SIPA1L2: variants seen among roughly 807,000 people sequenced by gnomAD.
SIPA1L2 encodes signal induced proliferation associated 1 like 2, also known as signal-induced proliferation-associated 1-like protein 2.
A neutral mutation model predicts 163.9 loss-of-function variants in SIPA1L2; 56 were observed. The observed-to-expected ratio is 0.34, with a 90% CI of 0.28 to 0.43. SIPA1L2 has a LOEUF of 0.43. Among genes scored for constraint, SIPA1L2 ranks in the 20% least tolerant of loss-of-function variants. The probability of loss-of-function intolerance (pLI) is 1.00; values close to 1 mark genes in which losing one functional copy is unlikely to be tolerated. For synonymous variants in SIPA1L2, 877 were observed against 865.7 expected, an observed-to-expected ratio of 1.01 and a Z score of -0.23; for missense variants, 1,974 against 2,193.5, an observed-to-expected ratio of 0.90 and a Z score of 2.00.
chr1:232,580,944 C>T (rs1464627521), intron 1 of SIPA1L2, among the ~76,000 whole-genome samples: 1 of 152,142 alleles, frequency 6.6e-6, no homozygotes, highest in African/African-American at 2.4e-5. Flanking sequence ...CTAACTTTAT[C>T]CCTCTCCTTT....
At chr1:232,434,535 C>T (rs999996790) in intron 15 of SIPA1L2, among the ~76,000 whole-genome samples, 3 of 151,926 alleles carry the variant, frequency 2.0e-5, no homozygotes, top group East Asian at 3.9e-4. Flanking sequence ...AACACCAGGT[C>T]GGGAGAACAG....
chr1:232,493,409 T>G, intron 4 of SIPA1L2, 118 bp downstream of exon 4: 2 of 1,283,788 alleles, frequency 1.6e-6, no homozygotes, highest in Non-Finnish European at 2.2e-6. Flanking sequence ...TCTTAAATGT[T>G]GCAATCATTA....
intron 2 of SIPA1L2, among the ~76,000 whole-genome samples, chr1:232,564,214 G>A (rs1374469959): frequency 4.0e-5 from 4 of 98,792 alleles, no homozygotes; most frequent in Non-Finnish European, 7.1e-5. Context: ...CAGACTGAAC[G>A]ACAAAGGTTT....
chr1:232,483,878 G>A lies in SIPA1L2; in HGVS notation c.1895C>T (p.Pro632Leu). The change falls in exon 6 of 23, where the codon CCA becomes CTA. Residue 632 changes from proline to leucine, a missense_variant. By Grantham distance (98) the Pro-to-Leu change is moderately conservative. Coordinates refer to ENST00000674635, the MANE Select transcript of SIPA1L2 (RefSeq NM_020808.5). The part of the protein sequence containing the change: ...EEMYNNETAG[P>L]AFEEFLDLLG... ...AAGATCAAGGAATTCTTCAAAAGCTGGTCCCGCCGTCTCATTGTTATACAT... is the reference window on the plus strand; with the variant it reads ...AAGATCAAGGAATTCTTCAAAAGCTAGTCCCGCCGTCTCATTGTTATACAT... The A allele has an allele frequency of 6.2e-7, 1 of 1,614,018 alleles. No individual in the cohort carries two copies. Among genetic ancestry groups the A allele is most frequent in the Non-Finnish European group, 8.5e-7 (1 of 1,179,928 alleles).
At chr1:232,570,657 T>G (rs1191914173) in intron 2 of SIPA1L2, among the ~76,000 whole-genome samples, 1 of 152,180 alleles carries the variant, frequency 6.6e-6, no homozygotes, top group African/African-American at 2.4e-5. Flanking sequence ...CACAGTAGCT[T>G]ATTCAAGGAA....
chr1:232,566,703 T>A (rs1659425894), intron 2 of SIPA1L2, among the ~76,000 whole-genome samples: 1 of 152,260 alleles, frequency 6.6e-6, no homozygotes, highest in Non-Finnish European at 1.5e-5. Flanking sequence ...AGTTGAAGAT[T>A]CGGCAAAACA....
intron 19 of SIPA1L2, among the ~76,000 whole-genome samples, chr1:232,409,773 C>A (rs1218778354): frequency 6.6e-6 from 1 of 152,142 alleles, no homozygotes; most frequent in African/African-American, 2.4e-5. Flanking sequence ...GTGACCCCAG[C>A]TAAGATCACA....
At chr1:232,461,463 T>G (rs1269108122) in intron 9 of SIPA1L2, among the ~76,000 whole-genome samples, 2 of 152,258 alleles carry the variant, frequency 1.3e-5, no homozygotes, top group Non-Finnish European at 2.9e-5. Flanking sequence ...CTTTCTTAGA[T>G]GTCACTGACC....
At chr1:232,586,426 T>C (rs997497636) in intron 1 of SIPA1L2, among the ~76,000 whole-genome samples, 12 of 152,268 alleles carry the variant, frequency 7.9e-5, no homozygotes, top group Admixed American at 7.9e-4. Flanking sequence ...CAAAGGGCAA[T>C]TGAAGAGCAC....
At chr1:232,442,212 G>C (rs2102864168) in intron 12 of SIPA1L2, among the ~76,000 whole-genome samples, 1 of 151,312 alleles carries the variant, frequency 6.6e-6, no homozygotes, top group East Asian at 1.9e-4. Flanking sequence ...GTTACGCTTA[G>C]AATACATGGC....
intron 1 of SIPA1L2, among the ~76,000 whole-genome samples, chr1:232,603,074 G>A (rs1661690021): frequency 6.6e-6 from 1 of 152,180 alleles, no homozygotes; most frequent in Admixed American, 6.5e-5. Flanking sequence ...GGATGCTGGT[G>A]ACCAACCAGA....
chr1:232,443,925 C>T (rs1373476953), intron 11 of SIPA1L2, among the ~76,000 whole-genome samples: 1 of 152,094 alleles, frequency 6.6e-6, no homozygotes, highest in Non-Finnish European at 1.5e-5. Flanking sequence ...ACAGGACAGG[C>T]CCTCACTGTC....
rs532434463 is a variant in SIPA1L2, at chr1:232,612,131, G to C, written c.-319+17738C>G. On this transcript the variant is annotated intron_variant, in intron 1 of 22. Transcript: ENST00000674635. ...GTGTCGAGCTCACGAGTGCACAGAA[G>C]TCAAGAACTGAGGTTTGGGAACCTC... 8.9e-4 allele frequency among the ~76,000 whole-genome samples: 135 copies of C among 152,356 alleles called. 1 individual carries two copies. The highest frequency in any genetic ancestry group is 3.1e-3 in the African/African-American group (130 of 41,582).
intron 12 of SIPA1L2, 49 bp from the exon 13 acceptor site, chr1:232,441,917 GC>G (rs1662922671): frequency 6.0e-6 from 9 of 1,506,230 alleles, no homozygotes; most frequent in Non-Finnish European, 6.4e-6. Flanking sequence ...CGTGCCACCT[GC>G]CAGCATGCAC....
At chr1:232,524,368 C>A (rs1393548246) in intron 2 of SIPA1L2, among the ~76,000 whole-genome samples, 1 of 152,174 alleles carries the variant, frequency 6.6e-6, no homozygotes, top group Non-Finnish European at 1.5e-5. Flanking sequence ...GTCACACACA[C>A]AAACACACTC....
chr1:232,512,199 G>C (rs1667011005), intron 3 of SIPA1L2, among the ~76,000 whole-genome samples: 1 of 152,118 alleles, frequency 6.6e-6, no homozygotes, highest in South Asian at 2.1e-4. Flanking sequence ...TTAGAATGGC[G>C]ATCATTAAAG....
intron 9 of SIPA1L2, 26 bp downstream of exon 9, chr1:232,464,814 C>T (rs572592412): frequency 9.8e-6 from 15 of 1,526,444 alleles, no homozygotes; most frequent in African/African-American, 4.2e-5. Flanking sequence ...ATAAGGATGG[C>T]GGGAAAATAG....
intron 10 of SIPA1L2, among the ~76,000 whole-genome samples, chr1:232,452,112 T>G (rs764768932): frequency 1.3e-5 from 2 of 151,596 alleles, no homozygotes; most frequent in Non-Finnish European, 2.9e-5. Context: ...CTAAAAACAG[T>G]ATTACTTGTC....
intron 6 of SIPA1L2, among the ~76,000 whole-genome samples, chr1:232,480,192 T>TGTG (rs1558210858): frequency 1.2e-5 from 1 of 83,126 alleles, no homozygotes; most frequent in African/African-American, 4.5e-5. Flanking sequence ...TGTGTGTGTG[T>TGTG]TTTTACAGTT....
Sources: gnomAD v4.1 joint callset for allele counts (sites outside exome capture counted in the v4.1 genomes callset) on GRCh38, gnomAD v4.1.1 for gene constraint, MANE v1.5 for transcripts, NCBI Gene and HGNC (gene_info 2026-07-23, HGNC 2026-07-21) for gene names.